MBP: variants seen among roughly 807,000 people sequenced by gnomAD.
MBP encodes Golli-MBP.
MBP carries 16 observed loss-of-function variants against 35.8 expected under a neutral mutation model. The ratio of observed to expected loss-of-function variants is 0.45; its 90% CI spans 0.30 to 0.68. The LOEUF (loss-of-function observed/expected upper bound fraction) is 0.68, where lower values mean the gene tolerates loss of function less well. MBP is among the 30% of genes least tolerant of loss of function. The probability of loss-of-function intolerance (pLI) is 0.08; values close to 1 mark genes in which losing one functional copy is unlikely to be tolerated. For synonymous variants in MBP, 143 were observed against 159.6 expected, an observed-to-expected ratio of 0.90 and a Z score of 0.78; for missense variants, 380 against 404.7, an observed-to-expected ratio of 0.94 and a Z score of 0.52.
chr18:77,032,435 T>C (rs1022081633), intron 3 of MBP, among the ~76,000 whole-genome samples: 2 of 152,086 alleles, frequency 1.3e-5, no homozygotes. Context: ...CCAGAACATA[T>C]AGTTTTTATT....
chr18:77,122,267 C>T (rs1293959954), intron 1 of MBP, among the ~76,000 whole-genome samples: 2 of 152,156 alleles, frequency 1.3e-5, no homozygotes, highest in Non-Finnish European at 2.9e-5. Flanking sequence ...AAACAAAATG[C>T]TACCAAAACT....
chr18:77,072,442 C>T (rs1974491046), intron 2 of MBP, among the ~76,000 whole-genome samples: 1 of 152,190 alleles, frequency 6.6e-6, no homozygotes, highest in Non-Finnish European at 1.5e-5. Flanking sequence ...CAGCCAAGAC[C>T]TCGGGCTCTC....
chr18:77,024,839 G>A (rs527953892), intron 3 of MBP, among the ~76,000 whole-genome samples: 1 of 152,322 alleles, frequency 6.6e-6, no homozygotes, highest in African/African-American at 2.4e-5. Flanking sequence ...TATGAGATGG[G>A]AGCATTCATT....
chr18:76,992,000 G>A (rs1331342198), intron 4 of MBP, among the ~76,000 whole-genome samples: 1 of 152,242 alleles, frequency 6.6e-6, no homozygotes, highest in East Asian at 1.9e-4. Flanking sequence ...TGTTTGCAGA[G>A]TGTGCTGCGT....
intron 3 of MBP, among the ~76,000 whole-genome samples, chr18:77,023,759 G>A (rs1972086044): frequency 6.6e-6 from 1 of 152,182 alleles, no homozygotes; most frequent in African/African-American, 2.4e-5. Context: ...CCACCCTGGG[G>A]AGGCTGGCCC....
At chr18:76,994,713 T>C (rs73495025) in intron 4 of MBP, among the ~76,000 whole-genome samples, 2,712 of 152,286 alleles carry the variant, frequency 0.018, 94 homozygotes, top group African/African-American at 0.061. Context: ...GGGTCAGAAA[T>C]GTCTATGAAA....
At chr18:77,108,508 C>T (rs913718871) in intron 1 of MBP, 2 of 152,176 alleles carry the variant, frequency 1.3e-5, no homozygotes, top group African/African-American at 4.8e-5. Context: ...GAGACTTCCG[C>T]GGTCTCAGTT....
intron 4 of MBP, chr18:77,005,303 G>T (rs1472386930): frequency 6.6e-6 from 1 of 152,252 alleles, no homozygotes; most frequent in Non-Finnish European, 1.5e-5. Flanking sequence ...CCGCCGGGTG[G>T]CTGTGCCATG....
chr18:77,012,727 G>C, intron 4 of MBP: 1 of 940,968 alleles, frequency 1.1e-6, no homozygotes, highest in Non-Finnish European at 1.3e-6. Context: ...GCACACTGAC[G>C]TGGTGGGGGC....
rs376629651 is a variant in MBP at position 77,131,003 on chromosome 18, C to T, written c.-26+1577G>A. ...AGCAATTTTTAACTGTGTTCTTTTC[C>T]CTCAGATTTCTGTTTTTCCCACAAA... is the stretch of plus-strand genomic sequence containing the variant. On this transcript the variant is annotated intron_variant, in intron 1 of 8. Transcript: ENST00000355994. This position sits in a 1 kb window ranked among gnomAD's most constrained non-coding sequence, Gnocchi z 5.5. 6.0e-5 allele frequency among the ~76,000 whole-genome samples: 9 copies of T among 149,022 alleles called. No individual in the cohort carries two copies. Among genetic ancestry groups the T allele is most frequent in the East Asian group, 1.9e-4 (1 of 5,130 alleles).
chr18:77,080,363 C>A (rs1206623774), intron 2 of MBP, among the ~76,000 whole-genome samples: 2 of 152,264 alleles, frequency 1.3e-5, no homozygotes, highest in South Asian at 4.1e-4. Flanking sequence ...GAGGGCAGCC[C>A]GGAGGCTGTC....
chr18:77,057,916 T>C (rs1243428493), intron 3 of MBP, among the ~76,000 whole-genome samples: 2 of 48,014 alleles, frequency 4.2e-5, no homozygotes, highest in East Asian at 8.2e-4. Flanking sequence ...AAGCTCCGCC[T>C]CCCGGGTTCA....
chr18:77,013,179 A>T, intron 4 of MBP: 2 of 985,470 alleles, frequency 2.0e-6, no homozygotes, highest in Non-Finnish European at 2.4e-6. Flanking sequence ...TGCACCCTCC[A>T]CATTTGGATT....
At chr18:77,023,483 A>G (rs565212638) in intron 3 of MBP, among the ~76,000 whole-genome samples, 1 of 152,022 alleles carries the variant, frequency 6.6e-6, no homozygotes, top group African/African-American at 2.4e-5. Flanking sequence ...TCACTGCGAC[A>G]TCGTGGCTAA....
intron 2 of MBP, among the ~76,000 whole-genome samples, chr18:77,067,049 G>C (rs373529392): frequency 6.6e-6 from 1 of 152,238 alleles, no homozygotes; most frequent in South Asian, 2.1e-4. Flanking sequence ...TACATAGTTT[G>C]ATCACCAGTG....
chr18:76,992,509 C>T (rs1969992278), intron 4 of MBP, among the ~76,000 whole-genome samples: 1 of 152,188 alleles, frequency 6.6e-6, no homozygotes, highest in South Asian at 2.1e-4. Flanking sequence ...TGCCCTCACC[C>T]CCAGACTACT....
At position 77,101,362 on chromosome 18, in the gene MBP, C is replaced by T. The variant is rs1975999455; in HGVS notation, c.51+3849G>A. Among the ~76,000 whole-genome samples, 1 of 152,170 alleles carries T rather than the reference C, an allele frequency of 6.6e-6. No homozygotes were observed. Among genetic ancestry groups the T allele is most frequent in the South Asian group, 2.1e-4 (1 of 4,830 alleles). ...CAGGACCATTTGGAAACCAAATTTC[C>T]CTGCAACTTAAAAAACACAGGGAGT... On this transcript the variant is annotated intron_variant, in intron 2 of 8. Transcript: ENST00000355994. The surrounding 1 kb of genome is among the most constrained non-coding windows in gnomAD (Gnocchi z 4.3).
rs1455479283 is a variant in MBP at position 77,041,697 on chromosome 18, G to A, written c.140-24429C>T. On this transcript the variant is annotated intron_variant, in intron 3 of 8. Coordinates refer to ENST00000355994, the MANE Select transcript of MBP (RefSeq NM_001025101.2). ...ACAAGCACAAAAAACCAAACACCGC[G>A]TGTTCTCACTCATAGGTGGGAATTG... Among the ~76,000 whole-genome samples, 11 of 147,434 alleles carry A rather than the reference G, an allele frequency of 7.5e-5. 1 individual carries two copies. The South Asian group carries it at 1.1e-3, about 14-fold the overall frequency.
At chr18:77,073,211 GTATTT>G (rs1163924234) in intron 2 of MBP, among the ~76,000 whole-genome samples, 1 of 151,976 alleles carries the variant, frequency 6.6e-6, no homozygotes, top group African/African-American at 2.4e-5. Flanking sequence ...ATTTTTATAA[GTATTT>G]TATATGTATA....
Sources: gnomAD v4.1 joint callset for allele counts (sites outside exome capture counted in the v4.1 genomes callset) on GRCh38, gnomAD v4.1.1 for gene constraint, Gnocchi (gnomAD v3.1) non-coding constraint, MANE v1.5 for transcripts, NCBI Gene and HGNC (gene_info 2026-07-23, HGNC 2026-07-21) for gene names.